TRPC7: variants seen among roughly 807,000 people sequenced by gnomAD.
TRPC7 encodes the protein transient receptor potential cation channel subfamily C member 7.
In TRPC7, 42 loss-of-function variants were observed where a neutral mutation model predicts 90.1. The observed-to-expected ratio is 0.47, with a 90% CI of 0.36 to 0.60. TRPC7 has a LOEUF of 0.60. Ranked by LOEUF, TRPC7 falls within the 20% of genes least tolerant of loss-of-function variation. The probability of loss-of-function intolerance (pLI) is 0.00; values close to 1 mark genes in which losing one functional copy is unlikely to be tolerated. For missense variants in TRPC7, 955 were observed against 1,112.3 expected (o/e 0.86, Z 2.01); for synonymous variants, 451 against 436.3 (o/e 1.03, Z -0.42).
At chr5:136,313,177 T>G (rs560218269) in intron 3 of TRPC7, among the ~76,000 whole-genome samples, 3 of 152,190 alleles carry the variant, frequency 2.0e-5, no homozygotes, top group Non-Finnish European at 4.4e-5. Context: ...GCTGTTTGAC[T>G]GTTTAACTAA....
At chr5:136,316,251 A>G (rs1759024064) in intron 2 of TRPC7, among the ~76,000 whole-genome samples, 1 of 152,180 alleles carries the variant, frequency 6.6e-6, no homozygotes, top group Non-Finnish European at 1.5e-5. Context: ...ATGAACTTTT[A>G]GGGCTGATGT....
At chr5:136,344,121 G>A (rs1035434835) in intron 2 of TRPC7, among the ~76,000 whole-genome samples, 2 of 152,194 alleles carry the variant, frequency 1.3e-5, no homozygotes, top group South Asian at 2.1e-4. Flanking sequence ...TGTCCTTTGC[G>A]GCAACATGAT....
At chr5:136,285,736 G>A (rs909658752) in intron 3 of TRPC7, among the ~76,000 whole-genome samples, 2 of 152,172 alleles carry the variant, frequency 1.3e-5, no homozygotes, top group African/African-American at 2.4e-5. Flanking sequence ...CTCCCGGCTG[G>A]ACAAGAGGCC....
intron 11 of TRPC7, chr5:136,214,427 T>C (rs1343733750): frequency 2.0e-5 from 3 of 152,198 alleles, no homozygotes; most frequent in Non-Finnish European, 2.9e-5. Flanking sequence ...TTTTCAGGTA[T>C]GGTCTATACA....
chr5:136,253,700 G>T (rs1756599368), intron 5 of TRPC7, among the ~76,000 whole-genome samples: 1 of 152,080 alleles, frequency 6.6e-6, no homozygotes, highest in Admixed American at 6.6e-5. Flanking sequence ...CTCCCCTCGG[G>T]CCTCCTATTC....
At chr5:136,222,856 T>A (rs1372267878) in intron 10 of TRPC7, among the ~76,000 whole-genome samples, 1 of 152,198 alleles carries the variant, frequency 6.6e-6, no homozygotes, top group Admixed American at 6.5e-5. Flanking sequence ...CTCAATTCCC[T>A]CATCTGTTAC....
intron 5 of TRPC7, among the ~76,000 whole-genome samples, chr5:136,253,487 G>A (rs1253720407): frequency 2.6e-5 from 4 of 151,880 alleles, no homozygotes; most frequent in African/African-American, 9.7e-5. Context: ...TCATATTTTG[G>A]TAATTCTCAC....
intron 2 of TRPC7, among the ~76,000 whole-genome samples, chr5:136,345,010 C>T (rs547290924): frequency 6.6e-6 from 1 of 152,254 alleles, no homozygotes; most frequent in East Asian, 1.9e-4. Flanking sequence ...AGAAGTCCCA[C>T]CCTCTAGAAT....
At chr5:136,225,168 G>A in intron 10 of TRPC7, 106 bp downstream of exon 10, 1 of 947,932 alleles carries the variant, frequency 1.1e-6, no homozygotes, top group Non-Finnish European at 1.6e-6. Flanking sequence ...ATAAAGGAAG[G>A]AATGAAGCTG....
intron 3 of TRPC7, 135 bp from the exon 4 acceptor site, chr5:136,274,972 G>A: frequency 1.0e-6 from 1 of 953,774 alleles, no homozygotes; most frequent in Non-Finnish European, 1.5e-6. Flanking sequence ...AACCTGCAGT[G>A]GGTGGGGATG....
intron 1 of TRPC7, 135 bp downstream of exon 1, chr5:136,365,118 A>G (rs559063073): frequency 9.8e-7 from 1 of 1,016,192 alleles, no homozygotes; most frequent in Non-Finnish European, 1.4e-6. Flanking sequence ...GAAAGATCTC[A>G]GATCCATCTA....
chr5:136,237,040 T>C (rs1214714207), intron 7 of TRPC7, among the ~76,000 whole-genome samples: 3 of 152,162 alleles, frequency 2.0e-5, no homozygotes, highest in Admixed American at 2.0e-4. Flanking sequence ...TGGAGGAAGA[T>C]GTTTAGAATG....
chr5:136,274,373 G>A (rs2149815282), intron 4 of TRPC7, among the ~76,000 whole-genome samples: 1 of 152,140 alleles, frequency 6.6e-6, no homozygotes, highest in Non-Finnish European at 1.5e-5. Flanking sequence ...TTAGGACATT[G>A]CATAATTAGA....
chr5:136,326,005 C>T (rs910812590), intron 2 of TRPC7, among the ~76,000 whole-genome samples: 4 of 152,208 alleles, frequency 2.6e-5, no homozygotes, highest in Non-Finnish European at 5.9e-5. Flanking sequence ...TTCATCTGCA[C>T]AGGGCACCAA....
intron 2 of TRPC7, among the ~76,000 whole-genome samples, chr5:136,335,933 A>G (rs987658209): frequency 7.0e-6 from 1 of 142,822 alleles, no homozygotes; most frequent in Non-Finnish European, 1.5e-5. Flanking sequence ...AAAAAAAGCT[A>G]CGAGATAAAA....
At chr5:136,299,064 C>T (rs1260702472) in intron 3 of TRPC7, among the ~76,000 whole-genome samples, 3 of 151,800 alleles carry the variant, frequency 2.0e-5, no homozygotes, top group African/African-American at 7.3e-5. Context: ...ATTTGGGAGG[C>T]CGAAGTTGGG....
At chr5:136,282,628 T>G (rs549777714) in intron 3 of TRPC7, among the ~76,000 whole-genome samples, 2 of 152,352 alleles carry the variant, frequency 1.3e-5, no homozygotes, top group South Asian at 4.1e-4. Context: ...TTTTAACCTT[T>G]GAATTCTTAA....
chr5:136,337,957 C>T (rs949587669), intron 2 of TRPC7, among the ~76,000 whole-genome samples: 2 of 152,124 alleles, frequency 1.3e-5, no homozygotes, highest in Non-Finnish European at 2.9e-5. Context: ...ATGCTCCTGT[C>T]CCAAGAATGC....
At chr5:136,290,634 G>A (rs1757909262) in intron 3 of TRPC7, among the ~76,000 whole-genome samples, 1 of 152,196 alleles carries the variant, frequency 6.6e-6, no homozygotes, top group African/African-American at 2.4e-5. Flanking sequence ...AGAAATATGG[G>A]ACTATGTGAA....
Sources: allele counts gnomAD v4.1 joint callset (sites outside exome capture counted in the v4.1 genomes callset), GRCh38; gene constraint gnomAD v4.1.1; transcripts MANE v1.5; gene names NCBI Gene and HGNC (gene_info 2026-07-23, HGNC 2026-07-21).